The following PDE6B variants were observed in gnomAD, a reference collection of about 807,000 sequenced individuals.
The protein encoded by PDE6B is phosphodiesterase 6B.
In PDE6B, 106 loss-of-function variants were observed where a neutral mutation model predicts 109.0. That is an observed-to-expected ratio of 0.97 (90% CI 0.83 to 1.14). The LOEUF is 1.14. Among genes scored for constraint, PDE6B ranks in the 50% most tolerant of loss-of-function variants. PDE6B has a pLI of 0.00. For missense variants in PDE6B, 1,193 were observed against 1,155.6 expected, an observed-to-expected ratio of 1.03 and a Z score of -0.47; for synonymous variants, 490 against 471.3, an observed-to-expected ratio of 1.04 and a Z score of -0.51.
chr4:628,274 G>A (rs570934053), intron 1 of PDE6B, among the ~76,000 whole-genome samples: 2 of 152,194 alleles, frequency 1.3e-5, no homozygotes, highest in South Asian at 4.1e-4. Flanking sequence ...CAGAAGGGGG[G>A]ACTGAGGCAG....
At chr4:635,643 A>G (rs887268775) in intron 2 of PDE6B, among the ~76,000 whole-genome samples, 5 of 150,468 alleles carry the variant, frequency 3.3e-5, no homozygotes, top group Non-Finnish European at 7.4e-5. Flanking sequence ...TCATCTGCAC[A>G]TCGCTGTGCT....
At chr4:657,826 G>C (rs1736503505) in intron 10 of PDE6B, among the ~76,000 whole-genome samples, 1 of 145,648 alleles carries the variant, frequency 6.9e-6, no homozygotes, top group Non-Finnish European at 1.5e-5. Flanking sequence ...GTGCGGCGGG[G>C]GCAGGTCGTC....
Position 644,582 on chromosome 4 carries a change from C to T in PDE6B, c.711+8613C>T, listed in dbSNP as rs1209984074. Among the ~76,000 whole-genome samples the T allele has an allele frequency of 4.0e-5, 6 of 151,626 alleles. No individual in the cohort carries two copies. In the East Asian group the frequency reaches 7.8e-4, roughly 20 times the overall value. ...TCTTTCTCTGTTGCCCAGGCTGGAG[C>T]GCAGTGGTGTGATCTCAGCTCACTG... On this transcript the variant is annotated intron_variant, in intron 3 of 21. Coordinates refer to ENST00000496514, the MANE Select transcript of PDE6B (RefSeq NM_000283.4).
At position 625,880 on chromosome 4, in the gene PDE6B, C is replaced by T. The variant is rs758310958; in HGVS notation, c.254C>T (p.Thr85Ile). The T allele has an allele frequency of 3.1e-6, 5 of 1,607,464 alleles. No individual in the cohort carries two copies. Among genetic ancestry groups the T allele is most frequent in the Non-Finnish European group, 3.4e-6 (4 of 1,177,608 alleles). Reference protein sequence around the residue: ...VVFKVLRRLCTLLQADRCSLF... With the variant: ...VVFKVLRRLCILLQADRCSLF... ...TTCAAGGTCCTGCGGCGCCTCTGCA[C>T]CCTCCTGCAGGCCGACCGCTGCAGC... Residue 85 changes from threonine (T) to isoleucine (I), a missense_variant, in exon 1 of 22, where the codon ACC becomes ATC. Coordinates refer to ENST00000496514, the MANE Select transcript of PDE6B (RefSeq NM_000283.4). The surrounding 1 kb of genome is among the most constrained non-coding windows in gnomAD (Gnocchi z 5.0).
chr4:660,135 G>A (rs958477513), intron 11 of PDE6B, among the ~76,000 whole-genome samples: 14 of 152,118 alleles, frequency 9.2e-5, no homozygotes, highest in African/African-American at 2.9e-4. Flanking sequence ...ATCCAGGTGT[G>A]CCTGTGTCAC....
At position 664,179 on chromosome 4, in the gene PDE6B, T is replaced by A. The variant is rs1358307626; in HGVS notation, c.2087T>A (p.Val696Glu). ...SKNYQDKKSW[V>E]EYLSLETTRK... ...AACTACCAGGACAAGAAGAGCTGGGTGGAGTACCTGTCCCTGGAGACGACC... is the reference window on the plus strand; with the variant it reads ...AACTACCAGGACAAGAAGAGCTGGGAGGAGTACCTGTCCCTGGAGACGACC... The change falls in exon 17 of 22, where the codon GTG (valine) becomes GAG (glutamate). Residue 696 changes from valine to glutamate, a missense_variant. Transcript: ENST00000496514. 6.2e-7 allele frequency: 1 copy of A among 1,611,432 alleles called. No individual in the cohort carries two copies. Among genetic ancestry groups the A allele is most frequent in the South Asian group, 1.1e-5 (1 of 91,036 alleles).
chr4:649,042 C>T (rs1018959261), intron 3 of PDE6B, among the ~76,000 whole-genome samples: 4 of 152,152 alleles, frequency 2.6e-5, no homozygotes, highest in African/African-American at 9.7e-5. Context: ...AGCTGGCCAA[C>T]TTCGGACTTA....
chr4:670,032 G>C lies in PDE6B; in HGVS notation c.2504-14G>C. ...CAGGTGGTTCCACTCACCATCTTCT[G>C]TCTTCTCTTGCAGTAGGCACAGAAA... is the stretch of plus-strand genomic sequence containing the variant. On this transcript the variant is annotated splice_polypyrimidine_tract_variant and intron_variant, in intron 21 of 21. Transcript: ENST00000496514. 6.2e-7 allele frequency: 1 copy of C among 1,610,896 alleles called. No individual in the cohort carries two copies. The highest frequency in any genetic ancestry group is 1.1e-5 in the South Asian group (1 of 91,024).
intron 20 of PDE6B, among the ~76,000 whole-genome samples, chr4:667,502 A>C (rs1737932551): frequency 6.6e-6 from 1 of 152,022 alleles, no homozygotes; most frequent in Admixed American, 6.5e-5. Flanking sequence ...TGTGTGTGGG[A>C]GGGACGGGAG....
chr4:638,908 G>A (rs888303231), intron 3 of PDE6B, among the ~76,000 whole-genome samples: 3 of 152,290 alleles, frequency 2.0e-5, no homozygotes, highest in Non-Finnish European at 2.9e-5. Context: ...CCTGAGGCTT[G>A]TGTCTGACCC....
At chr4:644,197 G>A (rs1428026202) in intron 3 of PDE6B, among the ~76,000 whole-genome samples, 6 of 151,950 alleles carry the variant, frequency 3.9e-5, no homozygotes, top group South Asian at 2.1e-4. Context: ...GATTACAGGC[G>A]TGAGCCACCG....
rs749953035 is a variant in PDE6B, at chr4:663,205, C to G, written c.1920+18C>G. ...CGGAGGAGGTTGGTATACTCACCCT[C>G]GGTTTCTGCTGTGGGCGCTGGGGAC... On this transcript the variant is annotated intron_variant, in intron 15 of 21. Transcript: ENST00000496514. This position sits in a 1 kb window ranked among gnomAD's most constrained non-coding sequence, Gnocchi z 4.0. The G allele has an allele frequency of 2.8e-6, 4 of 1,428,998 alleles. No homozygotes were observed. The South Asian group carries it at 3.4e-5, about 12-fold the overall frequency. 88.5% of individuals were successfully genotyped at this position (1,428,998 alleles called of 1,614,324 possible). A position where few individuals can be genotyped will look rare whatever the true frequency, so the allele number is the denominator to read the frequency against.
chr4:667,329 G>A (rs1737910827), intron 20 of PDE6B, among the ~76,000 whole-genome samples: 1 of 152,196 alleles, frequency 6.6e-6, no homozygotes, highest in Non-Finnish European at 1.5e-5. Context: ...CGGGTCGTCA[G>A]TGCTGGGGAG....
At chr4:634,591 C>A in intron 1 of PDE6B, 86 bp from the exon 2 acceptor site, 1 of 1,128,496 alleles carries the variant, frequency 8.9e-7, no homozygotes, top group South Asian at 1.2e-5. Context: ...CAGCAGCCCC[C>A]ACAGAGCTTG....
chr4:649,574 A>G (rs1042942558), intron 3 of PDE6B, among the ~76,000 whole-genome samples: 3 of 152,176 alleles, frequency 2.0e-5, no homozygotes, highest in South Asian at 4.1e-4. Context: ...TATGCTGACC[A>G]CAGCCTGGGA....
At chr4:658,062 C>T (rs1736565281) in intron 10 of PDE6B, among the ~76,000 whole-genome samples, 1 of 111,464 alleles carries the variant, frequency 9.0e-6, no homozygotes. Context: ...GGGGGCAGGT[C>T]GTCCAGGGGT....
intron 1 of PDE6B, among the ~76,000 whole-genome samples, chr4:629,507 C>G (rs1318848784): frequency 6.6e-6 from 1 of 152,254 alleles, no homozygotes; most frequent in African/African-American, 2.4e-5. Context: ...TCAGCCTCCA[C>G]CACCTTCCAG....
Position 662,086 on chromosome 4 carries a change from G to T in PDE6B, c.1615-48G>T, listed in dbSNP as rs112879995. On this transcript the variant is annotated intron_variant, in intron 12 of 21. Coordinates refer to ENST00000496514, the MANE Select transcript of PDE6B (RefSeq NM_000283.4). The surrounding 1 kb of genome is among the most constrained non-coding windows in gnomAD (Gnocchi z 4.3). ...TCAGCCACAGGTGCCGCTCTGGCGG[G>T]ACTTACACGCTTGCCGCCGGAGCCC... The T allele has an allele frequency of 3.0e-5, 27 of 891,254 alleles. No homozygotes were observed. The African/African-American group carries it at 4.1e-4, about 14-fold the overall frequency. 55.2% of individuals were successfully genotyped at this position (891,254 alleles called of 1,614,324 possible). A position where few individuals can be genotyped will look rare whatever the true frequency, so the allele number is the denominator to read the frequency against.
In PDE6B at chr4:663,169, G is replaced by A; in HGVS notation, c.1902G>A (p.Lys634=). 3 of 1,605,596 alleles carry A rather than the reference G, an allele frequency of 1.9e-6. No homozygotes were observed. The highest frequency in any genetic ancestry group is 2.6e-6 in the Non-Finnish European group (3 of 1,172,284). ...AGCGGCACCACCTGGAGTTTGGGAA[G>A]TTCCTGCTCTCGGAGGAGGTTGGTA... The part of the protein sequence containing the change: ...ILERHHLEFG[K]FLLSEETLNI... The change falls in exon 15 of 22, where the codon AAG becomes AAA. Residue 634 remains lysine, a synonymous_variant. Coordinates refer to ENST00000496514, the MANE Select transcript of PDE6B (RefSeq NM_000283.4). This position sits in a 1 kb window ranked among gnomAD's most constrained non-coding sequence, Gnocchi z 4.0.
Sources: gnomAD v4.1 joint callset for allele counts (sites outside exome capture counted in the v4.1 genomes callset) on GRCh38, gnomAD v4.1.1 for gene constraint, Gnocchi (gnomAD v3.1) non-coding constraint, MANE v1.5 for transcripts, NCBI Gene and HGNC (gene_info 2026-07-23, HGNC 2026-07-21) for gene names.